The following CER1 variants were observed in gnomAD, a reference collection of about 807,000 sequenced individuals.
CER1 encodes cerberus 1, DAN family BMP antagonist.
CER1 carries 10 observed loss-of-function variants against 11.8 expected under a neutral mutation model. The observed-to-expected ratio is 0.85, with a 90% CI of 0.52 to 1.44. The LOEUF (loss-of-function observed/expected upper bound fraction) is 1.44, where lower values mean the gene tolerates loss of function less well. Ranked by LOEUF, CER1 falls within the 40% of genes most tolerant of loss-of-function variation. CER1 has a pLI of 0.00. For missense variants in CER1, 431 were observed against 327.0 expected (o/e 1.32, Z -2.45); for synonymous variants, 141 against 122.3 (o/e 1.15, Z -1.01).
downstream of CER1, chr9:14,719,587 C>CTTCCTTCT (rs1375853125): frequency 5.9e-4 from 81 of 136,448 alleles, no homozygotes; most frequent in African/African-American, 2.0e-3. Context: ...TCCTTCCTTC[C>CTTCCTTCT]TTCCTTCCTT....
chr9:14,722,498 C>T lies in CER1; in HGVS notation c.175G>A (p.Ala59Thr), dbSNP rs190537901. 1.6e-5 allele frequency: 26 copies of T among 1,614,148 alleles called. No individual in the cohort carries two copies. The highest frequency in any genetic ancestry group is 1.6e-4 in the East Asian group (7 of 44,882). The change falls in exon 1 of 2, where the codon GCA becomes ACA. Residue 59 changes from alanine (A) to threonine (T), a missense_variant. By Grantham distance (58) the Ala-to-Thr change is moderately conservative (BLOSUM62 0). Coordinates refer to ENST00000380911, the MANE Select transcript of CER1 (RefSeq NM_005454.3). ...CTGGTGGCTACAAGGTGTGGCACTG[C>T]GACAAACAGATCTGGCTTCTCCTCA... is the stretch of plus-strand genomic sequence containing the variant. The part of the protein sequence containing the change: ...EAEEKPDLFV[A>T]VPHLVATSPA...
Position 14,722,266 on chromosome 9 carries a change from T to C in CER1, c.407A>G (p.His136Arg). ...AGCCGGAGTTTTTCTGAACATGAAG[T>C]GGTGCCAGAATTTCTTGGCTTCTTC... ...LREEAKKFWH[H>R]FMFRKTPASQ... Residue 136 changes from histidine to arginine, a missense_variant, in exon 1 of 2, where the codon CAC becomes CGC. Coordinates refer to ENST00000380911, the MANE Select transcript of CER1 (RefSeq NM_005454.3). The C allele has an allele frequency of 3.7e-6, 6 of 1,614,170 alleles. No homozygotes were observed. The South Asian group carries it at 6.6e-5, about 18-fold the overall frequency.
chr9:14,720,952 C>G (rs557770842), intron 1 of CER1, among the ~76,000 whole-genome samples: 1 of 152,308 alleles, frequency 6.6e-6, no homozygotes, highest in South Asian at 2.1e-4. Flanking sequence ...CTCATAACTC[C>G]AAGCACCTAG....
downstream of CER1, among the ~76,000 whole-genome samples, chr9:14,719,561 G>GCATT: frequency 1.6e-5 from 1 of 62,550 alleles, no homozygotes; most frequent in African/African-American, 6.2e-5. Flanking sequence ...CTGCCTGCCT[G>GCATT]CCTTCCTTCC....
downstream of CER1, among the ~76,000 whole-genome samples, chr9:14,718,267 A>G (rs144791310): frequency 9.2e-5 from 14 of 152,332 alleles, no homozygotes; most frequent in Admixed American, 9.2e-4. Flanking sequence ...AAGGAGGAGA[A>G]GGACAGTCCA....
At chr9:14,717,566 G>A (rs1179473957), downstream of CER1, among the ~76,000 whole-genome samples, 5 of 152,086 alleles carry the variant, frequency 3.3e-5, no homozygotes, top group East Asian at 1.9e-4. Flanking sequence ...TTATATGAGA[G>A]GAAAATGAGA....
In CER1 at chr9:14,722,486, G is replaced by C; in HGVS notation, c.187C>G (p.Leu63Val). Residue 63 changes from leucine (L) to valine (V), a missense_variant, in exon 1 of 2, where the codon CTT becomes GTT. Transcript: ENST00000380911. ...KPDLFVAVPH[L>V]VATSPAGEGQ... ...TCCCCTGCAGGGCTGGTGGCTACAA[G>C]GTGTGGCACTGCGACAAACAGATCT... 6.2e-7 allele frequency: 1 copy of C among 1,614,168 alleles called. No individual in the cohort carries two copies. Among genetic ancestry groups the C allele is most frequent in the Non-Finnish European group, 8.5e-7 (1 of 1,180,028 alleles).
In CER1 at chr9:14,719,872, A is replaced by G; in HGVS notation, c.*218T>C. 2 of 535,190 alleles carry G rather than the reference A, an allele frequency of 3.7e-6. No individual in the cohort carries two copies. The highest frequency in any genetic ancestry group is 6.7e-6 in the Non-Finnish European group (2 of 298,558). The allele number at this position is 535,190 out of a possible 1,614,324, so 33.2% of individuals were successfully genotyped here. On this transcript the variant is annotated 3_prime_UTR_variant, in exon 2 of 2. Coordinates refer to ENST00000380911, the MANE Select transcript of CER1 (RefSeq NM_005454.3). ...TAGATGGAGAAAGGTTTTACAACTT[A>G]ACATTCTACGGCTAGTTAGTGGCAG... is the stretch of plus-strand genomic sequence containing the variant.
downstream of CER1, among the ~76,000 whole-genome samples, chr9:14,719,501 C>T (rs1016404438): frequency 1.3e-5 from 2 of 151,794 alleles, no homozygotes; most frequent in Admixed American, 1.3e-4. Context: ...AAATATTTCA[C>T]GTAGCCTGCC....
chr9:14,720,040 A>G lies in CER1; in HGVS notation c.*50T>C, dbSNP rs760533044. On this transcript the variant is annotated 3_prime_UTR_variant, in exon 2 of 2. Transcript: ENST00000380911. The stretch of plus-strand genomic sequence containing the variant: ...AACATTTTCAGACTGAATAATCAGC[A>G]TCTTTGCTGTTGTGGTTTTGCTTTT... 12 of 1,552,106 alleles carry G rather than the reference A, an allele frequency of 7.7e-6. No individual in the cohort carries two copies. Among genetic ancestry groups the G allele is most frequent in the Non-Finnish European group, 1.1e-5 (12 of 1,127,358 alleles).
rs999315446 is a variant in CER1, at chr9:14,720,393, A to C, written c.508-7T>G. On this transcript the variant is annotated splice_region_variant and splice_polypyrimidine_tract_variant and intron_variant, in intron 1 of 1. Coordinates refer to ENST00000380911, the MANE Select transcript of CER1 (RefSeq NM_005454.3). ...AGCCTTCGTGGGTTATAGTCTAAAA[A>C]GCAAACACATTTCCATTACGTTATT... is the stretch of plus-strand genomic sequence containing the variant. The C allele has an allele frequency of 6.2e-7, 1 of 1,602,158 alleles. No homozygotes were observed. The highest frequency in any genetic ancestry group is 8.5e-7 in the Non-Finnish European group (1 of 1,170,976).
At chr9:14,719,556 TGCC>T (rs770237621), downstream of CER1, among the ~76,000 whole-genome samples, 8,437 of 60,762 alleles carry the variant, frequency 0.14, 347 homozygotes, top group Non-Finnish European at 0.17. Context: ...CCTGCCTGCC[TGCC>T]TGCCTTCCTT....
At chr9:14,720,480 T>C in intron 1 of CER1, 94 bp from the exon 2 acceptor site, 1 of 1,281,354 alleles carries the variant, frequency 7.8e-7, no homozygotes, top group South Asian at 1.6e-5. Flanking sequence ...GAGGATAATT[T>C]AAAAATTTCA....
Position 14,720,210 on chromosome 9 carries a change from G to A in CER1, c.684C>T (p.Ser228=), listed in dbSNP as rs770970894. 8.7e-6 allele frequency: 14 copies of A among 1,614,132 alleles called. No homozygotes were observed. The highest frequency in any genetic ancestry group is 1.7e-5 in the Admixed American group (1 of 60,020). The change falls in exon 2 of 2, where the codon TCC becomes TCT. Residue 228 remains serine, a synonymous_variant. Coordinates refer to ENST00000380911, the MANE Select transcript of CER1 (RefSeq NM_005454.3). ...HLPLNCTELS[S]VIKVVMLVEE... ...CCACCAGCATCACCACCTTGATCAC[G>A]GAGGAAAGTTCAGTGCAGTTCAGTG...
At position 14,722,446 on chromosome 9, in the gene CER1, C is replaced by G. The variant is rs574506139; in HGVS notation, c.227G>C (p.Arg76Thr). The change falls in exon 1 of 2, where the codon AGA becomes ACA. Residue 76 changes from arginine (R) to threonine (T), a missense_variant. Physicochemically the swap from Arg to Thr is moderately conservative, Grantham distance 71. Transcript: ENST00000380911. The part of the protein sequence containing the change: ...TSPAGEGQRQ[R>T]EKMLSRFGRF... Reference sequence around the variant, plus strand: ...GCCAAATCTGGACAGCATCTTCTCTCTCTGCCTCTGGCCTTCCCCTGCAGG... The same window carrying G: ...GCCAAATCTGGACAGCATCTTCTCTGTCTGCCTCTGGCCTTCCCCTGCAGG... The G allele has an allele frequency of 1.2e-6, 2 of 1,614,248 alleles. No individual in the cohort carries two copies. The highest frequency in any genetic ancestry group is 2.2e-5 in the South Asian group (2 of 91,080).
chr9:14,717,555 TTTA>T (rs1161739086), downstream of CER1, among the ~76,000 whole-genome samples: 1 of 152,116 alleles, frequency 6.6e-6, no homozygotes, highest in Non-Finnish European at 1.5e-5. Flanking sequence ...CCAGCCTTAT[TTTA>T]TATGAGAGGA....
intron 1 of CER1, among the ~76,000 whole-genome samples, chr9:14,721,897 A>G (rs973894974): frequency 6.6e-6 from 1 of 152,192 alleles, no homozygotes; most frequent in East Asian, 1.9e-4. Context: ...TAAATAAAAC[A>G]GAGCTCTGTG....
downstream of CER1, among the ~76,000 whole-genome samples, chr9:14,718,564 T>C (rs1839965203): frequency 6.6e-6 from 1 of 152,276 alleles, no homozygotes; most frequent in Non-Finnish European, 1.5e-5. Context: ...TGGAATGTCA[T>C]GTTAGATGGT....
At chr9:14,718,082 G>C (rs1839959591), downstream of CER1, among the ~76,000 whole-genome samples, 3 of 152,066 alleles carry the variant, frequency 2.0e-5, no homozygotes, top group Admixed American at 2.0e-4. Context: ...CAATTTTGTT[G>C]AATTTCATGC....
Sources: allele counts gnomAD v4.1 joint callset (sites outside exome capture counted in the v4.1 genomes callset), GRCh38; gene constraint gnomAD v4.1.1; transcripts MANE v1.5; gene names NCBI Gene and HGNC (gene_info 2026-07-23, HGNC 2026-07-21).